The following TOP1MT variants were observed in gnomAD, a reference collection of about 807,000 sequenced individuals.
TOP1MT encodes the protein DNA topoisomerase I, mitochondrial.
In TOP1MT, 80 loss-of-function variants were observed where a neutral mutation model predicts 73.9. That is an observed-to-expected ratio of 1.08 (90% confidence interval 0.90 to 1.30). The LOEUF (loss-of-function observed/expected upper bound fraction) is 1.30, where lower values mean the gene tolerates loss of function less well. Among genes scored for constraint, TOP1MT ranks in the 50% most tolerant of loss-of-function variants. TOP1MT has a pLI of 0.00. For missense variants in TOP1MT, 815 were observed against 808.0 expected, an observed-to-expected ratio of 1.01 and a Z score of -0.10; for synonymous variants, 338 against 326.4, an observed-to-expected ratio of 1.04 and a Z score of -0.38.
At chr8:143,340,977 T>G (rs146231050) in intron 2 of TOP1MT, among the ~76,000 whole-genome samples, 95 of 152,232 alleles carry the variant, frequency 6.2e-4, no homozygotes, top group Admixed American at 2.1e-3. Context: ...ATGCCCTCAC[T>G]GTGCACCTGC....
upstream of TOP1MT, among the ~76,000 whole-genome samples, chr8:143,357,389 G>A (rs1004768658): frequency 6.7e-6 from 1 of 149,392 alleles, no homozygotes; most frequent in Admixed American, 6.6e-5. Context: ...CTGGGCGACA[G>A]AGTGAGACCT....
intron 7 of TOP1MT, among the ~76,000 whole-genome samples, chr8:143,322,922 C>CACAG (rs1491140241): frequency 1.0e-5 from 1 of 97,184 alleles, no homozygotes; most frequent in Non-Finnish European, 2.1e-5. Flanking sequence ...ACGCCACACA[C>CACAG]GCACGCCACA....
upstream of TOP1MT, among the ~76,000 whole-genome samples, chr8:143,346,495 G>A (rs546525994): frequency 6.6e-6 from 1 of 152,168 alleles, no homozygotes; most frequent in Non-Finnish European, 1.5e-5. Context: ...AATAAGAAAG[G>A]GGGCTGTGCT....
rs778761641 is a variant in TOP1MT, at chr8:143,334,759, G to A, written c.103C>T (p.Gln35Ter). 6 of 1,597,528 alleles carry A rather than the reference G, an allele frequency of 3.8e-6. No homozygotes were observed. Among genetic ancestry groups the A allele is most frequent in the Middle Eastern group, 1.7e-4 (1 of 6,008 alleles). The stretch of plus-strand genomic sequence containing the variant: ...CCTTACCTGGCTCCACTGCCCTTCT[G>A]CGTCCTGCGCGAGCCCGGGACACCC... ...SRGVPGSRRT[Q>*]KGSGARWEKE... is the part of the protein sequence containing the mutation. The change falls in exon 1 of 14, where the codon CAG becomes TAG. Residue 35 changes from glutamine (Q) to a stop codon, truncating the protein, a stop_gained. Coordinates refer to ENST00000329245, the MANE Select transcript of TOP1MT (RefSeq NM_052963.3). LOFTEE classifies it high-confidence loss of function.
chr8:143,312,445 A>C (rs1368251657), intron 12 of TOP1MT, among the ~76,000 whole-genome samples: 1 of 152,238 alleles, frequency 6.6e-6, no homozygotes, highest in Non-Finnish European at 1.5e-5. Flanking sequence ...CATCCTATCA[A>C]TATAAGGAAG....
intron 1 of TOP1MT, among the ~76,000 whole-genome samples, chr8:143,354,826 C>T (rs558347288): frequency 3.3e-5 from 5 of 151,896 alleles, no homozygotes; most frequent in South Asian, 2.1e-4. Flanking sequence ...AGAGCAAGTC[C>T]GGGGCTGCTG....
At chr8:143,338,428 G>A (rs759468417), upstream of TOP1MT, among the ~76,000 whole-genome samples, 3 of 151,998 alleles carry the variant, frequency 2.0e-5, no homozygotes, top group Non-Finnish European at 4.4e-5. Flanking sequence ...TTAGCTAGGC[G>A]TGGTGGCTCA....
chr8:143,314,227 G>A (rs1387631105), intron 12 of TOP1MT, among the ~76,000 whole-genome samples: 48 of 152,076 alleles, frequency 3.2e-4, no homozygotes, highest in Admixed American at 3.1e-3. Context: ...AAACCTCCTT[G>A]GCGGCCAGGG....
Position 143,324,052 on chromosome 8 carries a change from ACTTCC to A in TOP1MT, c.902_906del (p.Trp301PhefsTer18). The A allele has an allele frequency of 6.2e-7, 1 of 1,613,858 alleles. No individual in the cohort carries two copies. Reference sequence around the variant, plus strand: ...CGCTGTCTCGTCTTCATTTCCCGAGACTTCCAGTCAGCCCGGTACTGGGAGCGGAT... The same window carrying A: ...CGCTGTCTCGTCTTCATTTCCCGAGAAGTCAGCCCGGTACTGGGAGCGGAT... On this transcript the variant is annotated frameshift_variant, in exon 7 of 14. Coordinates refer to ENST00000329245, the MANE Select transcript of TOP1MT (RefSeq NM_052963.3). LOFTEE classifies it high-confidence loss of function.
chr8:143,342,598 G>C (rs1250300154), intron 2 of TOP1MT, among the ~76,000 whole-genome samples: 1 of 87,694 alleles, frequency 1.1e-5, no homozygotes, highest in African/African-American at 5.0e-5. Context: ...ATTAGAGACA[G>C]AGTCTCGCTG....
Position 143,309,383 on chromosome 8 carries a change from G to T in TOP1MT, c.*58C>A. The T allele has an allele frequency of 6.4e-7, 1 of 1,561,172 alleles. No homozygotes were observed. The highest frequency in any genetic ancestry group is 8.8e-7 in the Non-Finnish European group (1 of 1,140,070). ...TTATTGTACAAAATTCCCCAGTACTGCTTTAATAGTGAAAAAAACACACAC... is the reference window on the plus strand; with the variant it reads ...TTATTGTACAAAATTCCCCAGTACTTCTTTAATAGTGAAAAAAACACACAC... On this transcript the variant is annotated 3_prime_UTR_variant, in exon 14 of 14. Transcript: ENST00000329245.
In TOP1MT at chr8:143,316,200, A is replaced by G. The variant is rs1816158447; in HGVS notation, c.1331-74T>C. On this transcript the variant is annotated intron_variant, in intron 10 of 13. Coordinates refer to ENST00000329245, the MANE Select transcript of TOP1MT (RefSeq NM_052963.3). ...TCCCTGTCTGCCCTGAGCCGGCCTT[A>G]ACGCGCCACACAGCGCAGCCCCTTC... 1.9e-6 allele frequency: 3 copies of G among 1,606,038 alleles called. No homozygotes were observed. In the African/African-American group the frequency reaches 4.0e-5, roughly 21 times the overall value.
chr8:143,330,596 C>A (rs1366330771), intron 2 of TOP1MT, among the ~76,000 whole-genome samples: 1 of 152,216 alleles, frequency 6.6e-6, no homozygotes. Flanking sequence ...TGGGGGCCTG[C>A]CCTGGGGGAG....
upstream of TOP1MT, chr8:143,359,145 A>C (rs1346963141): frequency 7.9e-6 from 7 of 880,964 alleles, no homozygotes; most frequent in Non-Finnish European, 9.5e-6. Flanking sequence ...CCGGCCCTTA[A>C]GTAGACTATT....
chr8:143,325,484 A>G lies in TOP1MT; in HGVS notation c.533T>C (p.Ile178Thr), dbSNP rs761173780. 6.2e-7 allele frequency: 1 copy of G among 1,612,886 alleles called. No individual in the cohort carries two copies. Among genetic ancestry groups the G allele is most frequent in the Non-Finnish European group, 8.5e-7 (1 of 1,178,940 alleles). The part of the protein sequence containing the change: ...EKLQQEFGYC[I>T]LDGHQEKIGN... ...TATTTTTTCTTGGTGACCATCTAAA[A>G]TACAGTAGCCGAACTCTTGCTGAAG... Residue 178 changes from isoleucine (I) to threonine (T), a missense_variant, in exon 5 of 14, where the codon ATT becomes ACT. Ile to Thr is a moderately conservative substitution (Grantham distance 89, BLOSUM62 -1). This residue lies in a region of TOP1MT where 751 missense variants were observed against 725.4 expected (regional missense o/e 1.04). Transcript: ENST00000329245.
At chr8:143,331,397 C>A in intron 1 of TOP1MT, 58 bp from the exon 2 acceptor site, 2 of 1,449,748 alleles carry the variant, frequency 1.4e-6, no homozygotes, top group Admixed American at 1.8e-5. Context: ...TGAGCCTCTT[C>A]CCCGCTCCCA....
At chr8:143,320,662 C>T (rs948620277) in intron 8 of TOP1MT, among the ~76,000 whole-genome samples, 1 of 152,172 alleles carries the variant, frequency 6.6e-6, no homozygotes, top group African/African-American at 2.4e-5. Flanking sequence ...ACGACAGCGT[C>T]CTTGTGAGAA....
chr8:143,324,010 A>T lies in TOP1MT; in HGVS notation c.949T>A (p.Phe317Ile), dbSNP rs761466166. The T allele has an allele frequency of 6.2e-7, 1 of 1,613,728 alleles. No homozygotes were observed. The highest frequency in any genetic ancestry group is 2.2e-5 in the East Asian group (1 of 44,868). The change falls in exon 7 of 14, where the codon TTC becomes ATC. Residue 317 changes from phenylalanine to isoleucine, a missense_variant. Physicochemically the swap from Phe to Ile is conservative, Grantham distance 21 (BLOSUM62 0). Around this residue, in one of 3 missense-constraint regions of TOP1MT, gnomAD observed 751 missense variants for 725.4 expected, o/e 1.04. Transcript: ENST00000329245. The part of the protein sequence containing the change: ...KTRQRAVALY[F>I]IDKLALRAGN... ...AGAAGGCCGCATACCTTATCGATGA[A>T]ATACAGGGCCACCGCCCGCTGTCTC...
In TOP1MT at chr8:143,341,628, T is replaced by C. The variant is rs1817083169; in HGVS notation, c.29+1592A>G. On this transcript the variant is annotated intron_variant, in intron 2 of 5. Coordinates refer to the TOP1MT transcript ENST00000518007. This position sits in a 1 kb window ranked among gnomAD's most constrained non-coding sequence, Gnocchi z 4.1. ...TCTTGATCTCAGCCCTTGTGGCCTC[T>C]GTCAGGAGCAGAAACCAAGGGCAAT... 6.6e-6 allele frequency among the ~76,000 whole-genome samples: 1 copy of C among 152,232 alleles called. No individual in the cohort carries two copies. Among genetic ancestry groups the C allele is most frequent in the African/African-American group, 2.4e-5 (1 of 41,466 alleles).
Sources: gnomAD v4.1 joint callset for allele counts (sites outside exome capture counted in the v4.1 genomes callset) on GRCh38, gnomAD v4.1.1 for gene constraint, gnomAD v4.1.1 regional missense constraint, Gnocchi (gnomAD v3.1) non-coding constraint, MANE v1.5 for transcripts, NCBI Gene and HGNC (gene_info 2026-07-23, HGNC 2026-07-21) for gene names.